Variants in SIM2 observed in about 807,000 individuals in gnomAD.
SIM2 encodes the protein SIM bHLH transcription factor 2, also known as single-minded homolog 2.
Under a neutral mutation model 64.8 loss-of-function variants are expected in SIM2, and 28 were observed. The ratio of observed to expected loss-of-function variants is 0.43; its 90% confidence interval spans 0.32 to 0.59. The LOEUF (loss-of-function observed/expected upper bound fraction) is 0.59. SIM2 is among the 20% of genes least tolerant of loss of function. The pLI is 0.07. For synonymous variants in SIM2, 408 were observed against 391.1 expected (o/e 1.04, Z -0.51); for missense variants, 847 against 871.4 (o/e 0.97, Z 0.35).
At chr21:36,724,279 C>T (rs994610671) in intron 5 of SIM2, among the ~76,000 whole-genome samples, 5 of 152,218 alleles carry the variant, frequency 3.3e-5, no homozygotes, top group African/African-American at 7.2e-5. Context: ...CTTCAGGGCA[C>T]TTGGGTCTTT....
intron 7 of SIM2, among the ~76,000 whole-genome samples, chr21:36,736,842 T>C (rs1284614700): frequency 8.3e-5 from 6 of 72,282 alleles, no homozygotes. Flanking sequence ...TTTCTTTCTC[T>C]TTCTTTTCTT....
chr21:36,738,996 T>C (rs929280522), intron 7 of SIM2, among the ~76,000 whole-genome samples: 2 of 152,246 alleles, frequency 1.3e-5, no homozygotes, highest in Admixed American at 1.3e-4. Context: ...TGGTGGGGCT[T>C]GATGGAGACT....
Position 36,741,816 on chromosome 21 carries a change from G to A in SIM2, c.950G>A (p.Ser317Asn). ...AGCTACGCCACCGTGGTGCACAACA[G>A]CCGCTCGTCCCGGCCCCACTGCATC... ...VQSYATVVHN[S>N]RSSRPHCIVS... The change falls in exon 8 of 11, where the codon AGC becomes AAC. Residue 317 changes from serine to asparagine, a missense_variant. Physicochemically the swap from Ser to Asn is conservative, Grantham distance 46. This residue lies in a region of SIM2 where 397 missense variants were observed against 439.2 expected (regional missense o/e 0.90). Coordinates refer to ENST00000290399, the MANE Select transcript of SIM2 (RefSeq NM_005069.6). The A allele has an allele frequency of 1.2e-6, 2 of 1,609,836 alleles. No individual in the cohort carries two copies. The highest frequency in any genetic ancestry group is 1.7e-6 in the Non-Finnish European group (2 of 1,178,556).
rs765053035 is a variant in SIM2 at position 36,748,705 on chromosome 21, A to C, written c.*613A>C. The stretch of plus-strand genomic sequence containing the variant: ...CCAAGACTAAGGGGGTGACCATGCA[A>C]TTCCATTTTGTGTCTGTGAACATAG... On this transcript the variant is annotated 3_prime_UTR_variant, in exon 11 of 11. Transcript: ENST00000290399. 1 of 152,632 alleles carries C rather than the reference A, an allele frequency of 6.6e-6. No homozygotes were observed. The highest frequency in any genetic ancestry group is 1.5e-5 in the Non-Finnish European group (1 of 68,052). The allele number at this position is 152,632 out of a possible 1,614,324, so 9.5% of individuals were successfully genotyped here. A position where few individuals can be genotyped will look rare whatever the true frequency, so the allele number is the denominator to read the frequency against.
rs1268485675 is a variant in SIM2 at position 36,702,958 on chromosome 21, A to T, written c.175+3037A>T. 2.0e-5 allele frequency among the ~76,000 whole-genome samples: 3 copies of T among 151,580 alleles called. No homozygotes were observed. In the East Asian group the frequency reaches 5.8e-4, roughly 29 times the overall value. On this transcript the variant is annotated intron_variant, in intron 1 of 10. Coordinates refer to ENST00000290399, the MANE Select transcript of SIM2 (RefSeq NM_005069.6). ...TGGGAGGAAGAAAAAAAAAAAAAGA[A>T]TAGCATAGTCCTAAGGAACTGCAAG...
chr21:36,741,940 C>G (rs1397264776), intron 8 of SIM2, 76 bp downstream of exon 8: 2 of 1,329,716 alleles, frequency 1.5e-6, no homozygotes, highest in Non-Finnish European at 2.0e-6. Flanking sequence ...CAATAAGCAC[C>G]ATCTCTCTTT....
chr21:36,725,867 G>A (rs905691334), intron 5 of SIM2, among the ~76,000 whole-genome samples: 8 of 152,206 alleles, frequency 5.3e-5, no homozygotes, highest in South Asian at 2.1e-4. Flanking sequence ...GCAATCCCCC[G>A]ACCTCGGCCT....
At chr21:36,738,359 G>A (rs1173520892) in intron 7 of SIM2, among the ~76,000 whole-genome samples, 1 of 152,140 alleles carries the variant, frequency 6.6e-6, no homozygotes, top group Admixed American at 6.5e-5. Flanking sequence ...CAAAAAATTA[G>A]CCGGGTGTGG....
chr21:36,724,050 A>C (rs1258006593), intron 5 of SIM2, among the ~76,000 whole-genome samples: 1 of 152,236 alleles, frequency 6.6e-6, no homozygotes, highest in Non-Finnish European at 1.5e-5. Context: ...TTAGAAAAGA[A>C]GGGAGGAGGA....
chr21:36,743,737 C>T (rs190470625), intron 9 of SIM2, among the ~76,000 whole-genome samples, 182 bp downstream of exon 9: 11 of 152,206 alleles, frequency 7.2e-5, no homozygotes, highest in East Asian at 3.9e-4. Context: ...GCCGACATCC[C>T]GGTGGGCTAG....
At chr21:36,734,088 A>AAAG (rs957387037) in intron 7 of SIM2, among the ~76,000 whole-genome samples, 10 of 152,188 alleles carry the variant, frequency 6.6e-5, no homozygotes, top group African/African-American at 2.4e-4. Flanking sequence ...GGGCAGGACC[A>AAAG]AAGTCCAGCC....
chr21:36,718,927 TC>T (rs2123448622), intron 3 of SIM2, among the ~76,000 whole-genome samples: 1 of 152,336 alleles, frequency 6.6e-6, no homozygotes, highest in Non-Finnish European at 1.5e-5. Flanking sequence ...ATTCTCAAGT[TC>T]GGGAATTTGG....
chr21:36,743,545 A>T lies in SIM2; in HGVS notation c.1157A>T (p.Tyr386Phe). 6.2e-7 allele frequency: 1 copy of T among 1,612,998 alleles called. No individual in the cohort carries two copies. Among genetic ancestry groups the T allele is most frequent in the South Asian group, 1.1e-5 (1 of 90,954 alleles). The change falls in exon 9 of 11, where the codon TAC (tyrosine) becomes TTC (phenylalanine). Residue 386 changes from tyrosine to phenylalanine, a missense_variant. By Grantham distance (22) the Tyr-to-Phe change is conservative (BLOSUM62 3). Coordinates refer to ENST00000290399, the MANE Select transcript of SIM2 (RefSeq NM_005069.6). ...KMKTKLRTNP[Y>F]PPQQYSSFQM... ...AAGACAAAGCTGAGAACAAACCCTT[A>T]CCCCCCACAGGTAACACGCATGTCC...
chr21:36,731,005 G>T (rs1399925104), intron 6 of SIM2, 40 bp from the exon 7 acceptor site: 42 of 1,425,278 alleles, frequency 2.9e-5, no homozygotes, highest in Non-Finnish European at 4.1e-5. Context: ...AAGGCAGTCT[G>T]CAGAGTGGCG....
chr21:36,720,676 G>A (rs1177780812), intron 4 of SIM2: 1 of 152,198 alleles, frequency 6.6e-6, no homozygotes, highest in Non-Finnish European at 1.5e-5. Flanking sequence ...ATTTAAAAAT[G>A]TTACTCCAAG....
In SIM2 at chr21:36,719,917, C is replaced by G. The variant is rs767691379; in HGVS notation, c.445C>G (p.His149Asp). 6.2e-6 allele frequency: 10 copies of G among 1,604,614 alleles called. No homozygotes were observed. Among genetic ancestry groups the G allele is most frequent in the Middle Eastern group, 1.6e-4 (1 of 6,072 alleles). Residue 149 changes from histidine to aspartate, a missense_variant, in exon 4 of 11, where the codon CAC becomes GAC. By Grantham distance (81) the His-to-Asp change is moderately conservative (BLOSUM62 -1). Transcript: ENST00000290399. ...CACGGCCCACCAGCCGCTGCACCAC[C>G]ACCTGCTCCAAGGTATTCCATCCAG... ...VLTAHQPLHH[H>D]LLQEYEIERS...
chr21:36,703,196 G>T (rs1216484622), intron 1 of SIM2, among the ~76,000 whole-genome samples: 1 of 152,214 alleles, frequency 6.6e-6, no homozygotes, highest in Non-Finnish European at 1.5e-5. Flanking sequence ...GAGGAACTCA[G>T]AGGGGTCCCT....
chr21:36,739,298 G>T (rs557309896), intron 7 of SIM2, among the ~76,000 whole-genome samples: 2 of 152,280 alleles, frequency 1.3e-5, no homozygotes, highest in South Asian at 2.1e-4. Flanking sequence ...GAGTCACAGG[G>T]GGGTTGGTAG....
intron 1 of SIM2, among the ~76,000 whole-genome samples, chr21:36,703,739 G>T (rs907519659): frequency 6.6e-6 from 1 of 152,234 alleles, no homozygotes; most frequent in Non-Finnish European, 1.5e-5. Context: ...GAGGTCTGAT[G>T]GTCAGCCAGC....
Sources: allele counts gnomAD v4.1 joint callset (sites outside exome capture counted in the v4.1 genomes callset), GRCh38; gene constraint gnomAD v4.1.1; regional missense constraint gnomAD v4.1.1; transcripts MANE v1.5; gene names NCBI Gene and HGNC (gene_info 2026-07-23, HGNC 2026-07-21).